The following NELL1 variants were observed in gnomAD, a reference collection of about 807,000 sequenced individuals.
NELL1 encodes the protein neural EGFL like 1, also known as protein kinase C-binding protein NELL1.
NELL1 carries 76 observed loss-of-function variants against 107.4 expected under a neutral mutation model. The ratio of observed to expected loss-of-function variants is 0.71; its 90% CI spans 0.59 to 0.86. The LOEUF (loss-of-function observed/expected upper bound fraction) is 0.86, where lower values mean the gene tolerates loss of function less well. NELL1 is among the 40% of genes least tolerant of loss of function. The pLI is 0.00. For missense variants in NELL1, 1,024 were observed against 1,005.5 expected (o/e 1.02, Z -0.25); for synonymous variants, 353 against 341.2 (o/e 1.03, Z -0.38).
chr11:21,476,642 A>AACAC (rs1854340398), intron 15 of NELL1, among the ~76,000 whole-genome samples: 1 of 152,182 alleles, frequency 6.6e-6, no homozygotes, highest in Non-Finnish European at 1.5e-5. Flanking sequence ...ACTGTGAGTG[A>AACAC]TCACAGTACC....
At chr11:21,111,498 T>TAGTGCAGG (rs1855106621) in intron 12 of NELL1, among the ~76,000 whole-genome samples, 3 of 152,078 alleles carry the variant, frequency 2.0e-5, no homozygotes, top group Admixed American at 6.6e-5. Flanking sequence ...CATGGTGGCT[T>TAGTGCAGG]AAGTCAACAA....
chr11:20,880,719 A>G (rs904868680), intron 4 of NELL1, among the ~76,000 whole-genome samples: 2 of 152,178 alleles, frequency 1.3e-5, no homozygotes, highest in African/African-American at 4.8e-5. Context: ...AAATAGCTGA[A>G]TTTTATTTCT....
chr11:21,404,669 C>G (rs1852190945), intron 15 of NELL1, among the ~76,000 whole-genome samples: 1 of 151,920 alleles, frequency 6.6e-6, no homozygotes, highest in Non-Finnish European at 1.5e-5. Context: ...TCCCATGTAA[C>G]ATAGAAATAA....
intron 15 of NELL1, among the ~76,000 whole-genome samples, chr11:21,414,032 A>G (rs1852442300): frequency 6.6e-6 from 1 of 152,094 alleles, no homozygotes; most frequent in Non-Finnish European, 1.5e-5. Flanking sequence ...CTGAAGCCTT[A>G]CAACACAAAC....
intron 13 of NELL1, among the ~76,000 whole-genome samples, chr11:21,136,099 A>G (rs553871137): frequency 6.6e-6 from 1 of 152,362 alleles, no homozygotes; most frequent in African/African-American, 2.4e-5. Flanking sequence ...TAAATTACAT[A>G]GGGCCGTAGG....
intron 15 of NELL1, among the ~76,000 whole-genome samples, chr11:21,393,554 T>C (rs1851923720): frequency 6.6e-6 from 1 of 151,756 alleles, no homozygotes; most frequent in African/African-American, 2.4e-5. Context: ...AAATGTACTT[T>C]ATAATGTATT....
chr11:21,140,076 C>G (rs1287317783), intron 13 of NELL1, among the ~76,000 whole-genome samples: 1 of 152,094 alleles, frequency 6.6e-6, no homozygotes, highest in Admixed American at 6.5e-5. Flanking sequence ...AGGAGCTCCC[C>G]AGCTTGTATA....
At chr11:21,297,582 C>CCATT (rs1476813271) in intron 14 of NELL1, among the ~76,000 whole-genome samples, 1 of 152,004 alleles carries the variant, frequency 6.6e-6, no homozygotes, top group Non-Finnish European at 1.5e-5. Context: ...GTAACCTCAT[C>CCATT]CATTCATTCT....
intron 12 of NELL1, among the ~76,000 whole-genome samples, chr11:20,975,296 A>G (rs189666501): frequency 0.015 from 2,319 of 152,028 alleles, 51 homozygotes; most frequent in African/African-American, 0.052. Flanking sequence ...GATTGCAGGC[A>G]TGAACCACCG....
intron 5 of NELL1, among the ~76,000 whole-genome samples, chr11:20,904,747 G>GTC (rs1327201023): frequency 6.6e-6 from 1 of 152,032 alleles, no homozygotes; most frequent in Non-Finnish European, 1.5e-5. Flanking sequence ...GGTTGGAGGA[G>GTC]TCTCTCTCTC....
chr11:20,774,698 T>C (rs1177096152), intron 2 of NELL1, among the ~76,000 whole-genome samples: 1 of 152,136 alleles, frequency 6.6e-6, no homozygotes, highest in African/African-American at 2.4e-5. Flanking sequence ...AAGTTAAGAA[T>C]GAATGAACAA....
At chr11:21,225,746 T>C (rs1444237291) in intron 13 of NELL1, among the ~76,000 whole-genome samples, 1 of 152,122 alleles carries the variant, frequency 6.6e-6, no homozygotes, top group Non-Finnish European at 1.5e-5. Flanking sequence ...GAATTAGTAG[T>C]AGTAGTAGTA....
At chr11:21,137,529 G>A (rs576109556) in intron 13 of NELL1, among the ~76,000 whole-genome samples, 22 of 152,234 alleles carry the variant, frequency 1.4e-4, no homozygotes, top group African/African-American at 5.3e-4. Context: ...ATAGAAAGTT[G>A]GATAGCGGGT....
intron 2 of NELL1, among the ~76,000 whole-genome samples, chr11:20,702,025 G>GT (rs1159907862): frequency 2.0e-5 from 3 of 152,028 alleles, no homozygotes; most frequent in African/African-American, 2.4e-5. Context: ...CTTTAAAGTA[G>GT]TTTTTTTCCA....
At chr11:21,566,444 GA>G (rs1181341198) in intron 17 of NELL1, among the ~76,000 whole-genome samples, 1 of 150,382 alleles carries the variant, frequency 6.6e-6, no homozygotes, top group Non-Finnish European at 1.5e-5. Flanking sequence ...TATGGCATAA[GA>G]AAAAATGTAT....
chr11:21,066,691 T>A (rs916384443), intron 12 of NELL1, among the ~76,000 whole-genome samples: 3 of 152,176 alleles, frequency 2.0e-5, no homozygotes, highest in African/African-American at 7.2e-5. Context: ...GGCTCATGAC[T>A]GTAATCTCAG....
At chr11:21,320,843 T>C (rs1373078301) in intron 14 of NELL1, among the ~76,000 whole-genome samples, 9 of 152,244 alleles carry the variant, frequency 5.9e-5, no homozygotes, top group Non-Finnish European at 1.0e-4. Flanking sequence ...TTAAATATTT[T>C]ATGTTAATAG....
chr11:20,705,552 C>G (rs1854924505), intron 2 of NELL1, among the ~76,000 whole-genome samples: 1 of 142,820 alleles, frequency 7.0e-6, no homozygotes. Flanking sequence ...GACCTAAAAC[C>G]ATAAAAACCC....
chr11:20,975,487 A>T (rs952688350), intron 12 of NELL1, among the ~76,000 whole-genome samples: 4 of 147,926 alleles, frequency 2.7e-5, no homozygotes, highest in African/African-American at 9.8e-5. Context: ...TCATGGATAT[A>T]GCTACATATT....
Sources: allele counts gnomAD v4.1 joint callset (sites outside exome capture counted in the v4.1 genomes callset), GRCh38; gene constraint gnomAD v4.1.1; transcripts MANE v1.5; gene names NCBI Gene and HGNC (gene_info 2026-07-23, HGNC 2026-07-21).